Variants in ASAP1 observed in about 807,000 individuals in gnomAD.
The protein encoded by ASAP1 is ArfGAP with SH3 domain, ankyrin repeat and PH domain 1, also known as arf-GAP with SH3 domain, ANK repeat and PH domain-containing protein 1.
In ASAP1, 43 loss-of-function variants were observed where a neutral mutation model predicts 145.2. That is an observed-to-expected ratio of 0.30 (90% CI 0.23 to 0.38). The LOEUF is 0.38. Among genes scored for constraint, ASAP1 ranks in the 10% least tolerant of loss-of-function variants. ASAP1 has a pLI of 1.00. For missense variants in ASAP1, 1,018 were observed against 1,355.3 expected (o/e 0.75, Z 3.91); for synonymous variants, 546 against 515.5 (o/e 1.06, Z -0.80).
intron 28 of ASAP1, among the ~76,000 whole-genome samples, chr8:130,059,615 G>A (rs775141751): frequency 9.8e-5 from 15 of 152,336 alleles, no homozygotes; most frequent in Middle Eastern, 3.4e-3. Context: ...AACAGAATGT[G>A]AGGCAGGTAG....
At chr8:130,197,394 G>A (rs1328971066) in intron 5 of ASAP1, among the ~76,000 whole-genome samples, 8 of 152,224 alleles carry the variant, frequency 5.3e-5, no homozygotes, top group Admixed American at 4.6e-4. Flanking sequence ...ATGCCATTGC[G>A]CTCCAGCCTG....
intron 12 of ASAP1, among the ~76,000 whole-genome samples, chr8:130,154,412 G>C (rs2097653750): frequency 1.3e-5 from 2 of 152,222 alleles, no homozygotes. Flanking sequence ...GACTGCATGT[G>C]TGGTAGATCT....
intron 2 of ASAP1, among the ~76,000 whole-genome samples, chr8:130,391,778 C>T (rs72724483): frequency 0.062 from 9,515 of 152,292 alleles, 296 homozygotes; most frequent in Middle Eastern, 0.12. Context: ...TTAGATAGCA[C>T]ATTATACCTT....
chr8:130,242,778 A>G (rs1355427608), intron 3 of ASAP1, among the ~76,000 whole-genome samples: 1 of 152,156 alleles, frequency 6.6e-6, no homozygotes, highest in Non-Finnish European at 1.5e-5. Flanking sequence ...TTGTGGATAA[A>G]GGTGCCAGAA....
intron 3 of ASAP1, among the ~76,000 whole-genome samples, chr8:130,353,011 T>C (rs186576679): frequency 3.4e-4 from 52 of 152,354 alleles, no homozygotes; most frequent in Admixed American, 2.8e-3. Context: ...CCTAGCACAC[T>C]GCTGGGCACA....
chr8:130,204,003 G>A (rs1319956035), intron 5 of ASAP1, among the ~76,000 whole-genome samples: 1 of 152,132 alleles, frequency 6.6e-6, no homozygotes, highest in Non-Finnish European at 1.5e-5. Context: ...TCTTTTGCGA[G>A]GAGGTACAGC....
At chr8:130,167,803 T>G (rs1283642728) in intron 10 of ASAP1, among the ~76,000 whole-genome samples, 181 bp from the exon 11 acceptor site, 2 of 152,224 alleles carry the variant, frequency 1.3e-5, no homozygotes, top group Non-Finnish European at 2.9e-5. Context: ...CAGTGGGTTT[T>G]GAAATTAGTG....
At chr8:130,268,041 G>C (rs549456153) in intron 3 of ASAP1, among the ~76,000 whole-genome samples, 6 of 152,174 alleles carry the variant, frequency 3.9e-5, no homozygotes, top group Non-Finnish European at 8.8e-5. Context: ...TGGTCACTAG[G>C]AGAAAAGTGG....
chr8:130,311,915 A>C (rs1194661604), intron 3 of ASAP1, among the ~76,000 whole-genome samples: 2 of 152,182 alleles, frequency 1.3e-5, no homozygotes, highest in Admixed American at 6.5e-5. Flanking sequence ...AGTAATTTGA[A>C]TACGATCCAT....
intron 3 of ASAP1, among the ~76,000 whole-genome samples, chr8:130,342,178 G>C (rs1376508722): frequency 6.6e-6 from 1 of 152,138 alleles, no homozygotes. Flanking sequence ...AGAAGTCTTA[G>C]GGGGTGAGGA....
intron 4 of ASAP1, among the ~76,000 whole-genome samples, chr8:130,217,224 T>C (rs959444509): frequency 3.3e-5 from 5 of 152,204 alleles, no homozygotes; most frequent in Admixed American, 6.5e-5. Flanking sequence ...AGCATGAATT[T>C]GTAGGGAGGC....
chr8:130,346,129 C>G (rs1176323437), intron 3 of ASAP1, among the ~76,000 whole-genome samples: 1 of 152,202 alleles, frequency 6.6e-6, no homozygotes, highest in East Asian at 1.9e-4. Flanking sequence ...ACTCAAATAT[C>G]TGAATGCTAA....
At chr8:130,410,519 G>T (rs948978190) in intron 1 of ASAP1, among the ~76,000 whole-genome samples, 1 of 152,214 alleles carries the variant, frequency 6.6e-6, no homozygotes, top group African/African-American at 2.4e-5. Context: ...CCCAGTCTGG[G>T]CCACCACAAA....
At chr8:130,248,987 C>A (rs558017357) in intron 3 of ASAP1, among the ~76,000 whole-genome samples, 1 of 152,128 alleles carries the variant, frequency 6.6e-6, no homozygotes, top group Non-Finnish European at 1.5e-5. Flanking sequence ...TAGATTCGAA[C>A]CCTTGGGCTC....
chr8:130,080,371 C>G (rs888153593), intron 25 of ASAP1, among the ~76,000 whole-genome samples: 3 of 152,152 alleles, frequency 2.0e-5, no homozygotes, highest in Admixed American at 2.0e-4. Context: ...AAACACACAA[C>G]TCACAAGTGG....
intron 1 of ASAP1, among the ~76,000 whole-genome samples, chr8:130,428,555 C>A (rs541131016): frequency 4.9e-4 from 62 of 127,146 alleles, no homozygotes; most frequent in African/African-American, 1.7e-3. Context: ...CATATAACTA[C>A]CACCATCATC....
At chr8:130,386,948 A>G (rs1256571184) in intron 2 of ASAP1, 1 of 152,208 alleles carries the variant, frequency 6.6e-6, no homozygotes, top group Non-Finnish European at 1.5e-5. Context: ...TATAAGCACC[A>G]AACCCCAAAT....
At chr8:130,259,852 T>C (rs1285966560) in intron 3 of ASAP1, among the ~76,000 whole-genome samples, 1 of 152,180 alleles carries the variant, frequency 6.6e-6, no homozygotes, top group African/African-American at 2.4e-5. Context: ...AACTGTACCT[T>C]TGTGGATAAT....
intron 3 of ASAP1, among the ~76,000 whole-genome samples, chr8:130,350,526 T>A (rs1432724367): frequency 6.6e-6 from 1 of 152,190 alleles, no homozygotes; most frequent in Non-Finnish European, 1.5e-5. Flanking sequence ...AATCCAAGCA[T>A]CTGATCAGCA....
Sources: allele counts gnomAD v4.1 joint callset (sites outside exome capture counted in the v4.1 genomes callset), GRCh38; gene constraint gnomAD v4.1.1; transcripts MANE v1.5; gene names NCBI Gene and HGNC (gene_info 2026-07-23, HGNC 2026-07-21).